Variants in NLRP13 observed in about 807,000 individuals in gnomAD.
NLRP13 encodes the protein NLR family pyrin domain containing 13, also known as NACHT, LRR and PYD domains-containing protein 13.
Under a neutral mutation model 94.4 loss-of-function variants are expected in NLRP13, and 82 were observed. That is an observed-to-expected ratio of 0.87 (90% CI 0.73 to 1.04). NLRP13 has a LOEUF of 1.04. Ranked by LOEUF, NLRP13 falls within the 50% of genes least tolerant of loss-of-function variation. The pLI, the probability that NLRP13 is intolerant of heterozygous loss-of-function variation, is 0.00. For missense variants in NLRP13, 1,426 were observed against 1,230.8 expected, an observed-to-expected ratio of 1.16 and a Z score of -2.37; for synonymous variants, 553 against 464.7, an observed-to-expected ratio of 1.19 and a Z score of -2.45.
intron 1 of NLRP13, among the ~76,000 whole-genome samples, chr19:55,931,718 A>AGACAGAAAGAAAGACAG: frequency 5.2e-5 from 5 of 96,026 alleles, no homozygotes; most frequent in African/African-American, 2.1e-4. Flanking sequence ...TCAAAAAAAA[A>AGACAGAAAGAAAGACAG]AAAAAAAGAA....
chr19:55,929,420 A>G (rs1467256306), intron 1 of NLRP13, among the ~76,000 whole-genome samples: 1 of 152,238 alleles, frequency 6.6e-6, no homozygotes, highest in East Asian at 1.9e-4. Context: ...TGTGGCACAT[A>G]TACACCATGG....
In NLRP13 at chr19:55,901,566, A is replaced by G. The variant is rs917155482; in HGVS notation, c.2789+469T>C. Among the ~76,000 whole-genome samples, 14 of 152,314 alleles carry G rather than the reference A, an allele frequency of 9.2e-5. No homozygotes were observed. The East Asian group carries it at 2.7e-3, about 29-fold the overall frequency. On this transcript the variant is annotated intron_variant, in intron 9 of 10. Coordinates refer to ENST00000342929, the MANE Select transcript of NLRP13 (RefSeq NM_176810.2). ...GCACGTAGTAAAGGCAGAAAGAAAG[A>G]GAAGGAAAGGGAAGGGGAGCGGTAC...
downstream of NLRP13, among the ~76,000 whole-genome samples, chr19:55,892,418 CATACACAT>C (rs1346262231): frequency 4.0e-3 from 614 of 152,068 alleles, 3 homozygotes; most frequent in African/African-American, 0.014. Context: ...TACATACACA[CATACACAT>C]ATACGTATTG....
chr19:55,894,713 C>G (rs1383697806), downstream of NLRP13, among the ~76,000 whole-genome samples: 1 of 152,196 alleles, frequency 6.6e-6, no homozygotes, highest in Non-Finnish European at 1.5e-5. Flanking sequence ...GAGGAGAACT[C>G]AAGACTCTCA....
At chr19:55,923,591 T>A (rs569240204) in intron 4 of NLRP13, among the ~76,000 whole-genome samples, 317 of 152,314 alleles carry the variant, frequency 2.1e-3, no homozygotes, top group Non-Finnish European at 3.6e-3. Context: ...ATGCCCGCAG[T>A]GCCAGCTTGT....
chr19:55,913,693 C>T (rs1986605084), intron 4 of NLRP13, among the ~76,000 whole-genome samples: 1 of 151,758 alleles, frequency 6.6e-6, no homozygotes, highest in South Asian at 2.1e-4. Context: ...TAGCGAGAAG[C>T]CTCTCACTAG....
Position 55,898,382 on chromosome 19 carries a change from G to A in NLRP13, c.2957+388C>T, listed in dbSNP as rs11881528. ...CCACCTATACACCCAGCTAATTTTC[G>A]TATTTTTAGTAGAGATGGGGTTTCC... On this transcript the variant is annotated intron_variant, in intron 10 of 10. Coordinates refer to ENST00000342929, the MANE Select transcript of NLRP13 (RefSeq NM_176810.2). Among the ~76,000 whole-genome samples, 962 of 152,074 alleles carry A rather than the reference G, an allele frequency of 6.3e-3. 10 individuals are homozygous for A. The highest frequency in any genetic ancestry group is 0.022 in the African/African-American group (898 of 41,488).
chr19:55,907,717 C>T, intron 7 of NLRP13, 75 bp downstream of exon 7: 1 of 1,406,592 alleles, frequency 7.1e-7, no homozygotes, highest in South Asian at 1.2e-5. Flanking sequence ...GTGCTGTCAG[C>T]CCTCCCAGTG....
rs1262800670 is a variant in NLRP13, at chr19:55,910,692, A to T, written c.2153T>A (p.Ile718Asn). Residue 718 changes from isoleucine to asparagine, a missense_variant, in exon 6 of 11, where the codon ATT becomes AAT. Physicochemically the swap from Ile to Asn is moderately radical, Grantham distance 149. Coordinates refer to ENST00000342929, the MANE Select transcript of NLRP13 (RefSeq NM_176810.2). ...FDSRMHAWNSICSTLVTNENL... is the reference protein window; with the variant it reads ...FDSRMHAWNSNCSTLVTNENL... ...CTCATTTGTGACCAACGTAGAGCAAATGCTGTTCCATGCGTGCATCCTGGA... is the reference window on the plus strand; with the variant it reads ...CTCATTTGTGACCAACGTAGAGCAATTGCTGTTCCATGCGTGCATCCTGGA... 1 of 1,612,402 alleles carries T rather than the reference A, an allele frequency of 6.2e-7. No individual in the cohort carries two copies. Among genetic ancestry groups the T allele is most frequent in the South Asian group, 1.1e-5 (1 of 90,958 alleles).
chr19:55,914,923 C>A (rs988877240), intron 4 of NLRP13, among the ~76,000 whole-genome samples: 1 of 152,082 alleles, frequency 6.6e-6, no homozygotes, highest in African/African-American at 2.4e-5. Flanking sequence ...TTTCTTCTTG[C>A]CAAGTGAAAT....
intron 1 of NLRP13, among the ~76,000 whole-genome samples, chr19:55,931,718 A>AGACAGAAAGAAAGAAAGACAGAAAGAAAG: frequency 2.1e-5 from 2 of 96,058 alleles, no homozygotes; most frequent in African/African-American, 8.3e-5. Flanking sequence ...TCAAAAAAAA[A>AGACAGAAAGAAAGAAAGACAGAAAGAAAG]AAAAAAAGAA....
downstream of NLRP13, chr19:55,895,891 A>G (rs1208216732): frequency 2.6e-6 from 4 of 1,562,030 alleles, no homozygotes; most frequent in African/African-American, 2.7e-5. Flanking sequence ...CTAGAAGCCT[A>G]GTCAATCTAG....
At chr19:55,925,242 G>T (rs1165376857) in intron 1 of NLRP13, among the ~76,000 whole-genome samples, 1 of 152,234 alleles carries the variant, frequency 6.6e-6, no homozygotes, top group Non-Finnish European at 1.5e-5. Context: ...GCACATTCCT[G>T]CCTCAGGGCC....
chr19:55,910,847 A>C, intron 5 of NLRP13, 114 bp from the exon 6 acceptor site: 3 of 990,150 alleles, frequency 3.0e-6, no homozygotes, highest in Non-Finnish European at 4.4e-6. Context: ...TAATTTTCCT[A>C]ATGTGGCTGG....
At chr19:55,916,066 C>T (rs890299094) in intron 4 of NLRP13, among the ~76,000 whole-genome samples, 2 of 152,172 alleles carry the variant, frequency 1.3e-5, no homozygotes, top group African/African-American at 4.8e-5. Context: ...ACTCACACAC[C>T]TAGTAAACCA....
Position 55,912,043 on chromosome 19 carries a change from A to G in NLRP13, c.1774T>C (p.Leu592=), listed in dbSNP as rs138670934. The change falls in exon 5 of 11, where the codon TTA becomes CTA. Residue 592 remains leucine (L), a synonymous_variant. Coordinates refer to ENST00000342929, the MANE Select transcript of NLRP13 (RefSeq NM_176810.2). ...AGTTCTCTTGCTATGTTTTTATTTA[A>G]AAGACCAAAGAAGAACAGAACCACT... is the stretch of plus-strand genomic sequence containing the variant. The part of the protein sequence containing the change: ...TPVVLFFFGL[L]NKNIARELED... The G allele has an allele frequency of 4.3e-6, 7 of 1,614,040 alleles. No homozygotes were observed. The highest frequency in any genetic ancestry group is 4.2e-6 in the Non-Finnish European group (5 of 1,180,040).
In NLRP13 at chr19:55,913,020, A is replaced by C; in HGVS notation, c.797T>G (p.Phe266Cys). 5.6e-6 allele frequency: 9 copies of C among 1,614,160 alleles called. No homozygotes were observed. Among genetic ancestry groups the C allele is most frequent in the Non-Finnish European group, 7.6e-6 (9 of 1,180,008 alleles). The part of the protein sequence containing the change: ...VLFQQRFSYV[F>C]YLSCHKIRYM... Reference sequence around the variant, plus strand: ...CCTTATTTTATGGCAGCTGAGATAGAAAACATAGGAGAACCTTTGCTGAAA... The same window carrying C: ...CCTTATTTTATGGCAGCTGAGATAGCAAACATAGGAGAACCTTTGCTGAAA... Residue 266 changes from phenylalanine to cysteine, a missense_variant, in exon 5 of 11, where the codon TTC becomes TGC. By Grantham distance (205) the Phe-to-Cys change is radical. Coordinates refer to ENST00000342929, the MANE Select transcript of NLRP13 (RefSeq NM_176810.2).
rs1568688085 is a variant in NLRP13, at chr19:55,902,029, A to ACTTACTTCAGGCTCTGCAGGTTC, written c.2789+5_2789+6insGAACCTGCAGAGCCTGAAGTAAG. ...TGCCAACTCAGAGGGAGCCAAGAAA[A>ACTTACTTCAGGCTCTGCAGGTTC]CTTACTTCAGGCTCTGCAGGTTACC... On this transcript the variant is annotated splice_donor_region_variant and intron_variant, in intron 9 of 10. Coordinates refer to ENST00000342929, the MANE Select transcript of NLRP13 (RefSeq NM_176810.2). 6.2e-7 allele frequency: 1 copy of ACTTACTTCAGGCTCTGCAGGTTC among 1,613,692 alleles called. No homozygotes were observed. Among genetic ancestry groups the ACTTACTTCAGGCTCTGCAGGTTC allele is most frequent in the Admixed American group, 1.7e-5 (1 of 59,984 alleles).
At chr19:55,920,092 T>G (rs868136155) in intron 4 of NLRP13, among the ~76,000 whole-genome samples, 2 of 152,142 alleles carry the variant, frequency 1.3e-5, no homozygotes, top group Non-Finnish European at 2.9e-5. Context: ...GGGCACTCTA[T>G]TCAATAAACG....
Sources: allele counts gnomAD v4.1 joint callset (sites outside exome capture counted in the v4.1 genomes callset), GRCh38; gene constraint gnomAD v4.1.1; transcripts MANE v1.5; gene names NCBI Gene and HGNC (gene_info 2026-07-23, HGNC 2026-07-21).